Variants in DLGAP1 observed in about 807,000 individuals in gnomAD.
DLGAP1 encodes DLG associated protein 1.
A neutral mutation model predicts 90.8 loss-of-function variants in DLGAP1; 11 were observed. The ratio of observed to expected loss-of-function variants is 0.12; its 90% CI spans 0.08 to 0.20. DLGAP1 has a LOEUF of 0.20. Among genes scored for constraint, DLGAP1 ranks in the 10% least tolerant of loss-of-function variants. The probability of loss-of-function intolerance (pLI) is 1.00; values close to 1 mark genes in which losing one functional copy is unlikely to be tolerated. For missense variants in DLGAP1, 1,050 were observed against 1,333.8 expected (o/e 0.79, Z 3.31); for synonymous variants, 558 against 540.7 (o/e 1.03, Z -0.44).
intron 3 of DLGAP1, among the ~76,000 whole-genome samples, chr18:3,976,521 C>T (rs2073583612): frequency 6.6e-6 from 1 of 152,036 alleles, no homozygotes; most frequent in South Asian, 2.1e-4. Context: ...TTCTCTGTTC[C>T]CTGCATATTT....
chr18:4,430,190 G>A (rs941123521), intron 1 of DLGAP1, among the ~76,000 whole-genome samples: 2 of 152,132 alleles, frequency 1.3e-5, no homozygotes, highest in Admixed American at 6.5e-5. Context: ...GCAGATGGAT[G>A]GTGTGGTTAG....
Position 4,139,147 on chromosome 18 carries a change from T to G in DLGAP1, c.-159+12033A>C, listed in dbSNP as rs117268439. On this transcript the variant is annotated intron_variant, in intron 2 of 12. Transcript: ENST00000315677. ...TTTATTTCTGCTTTGATCTTTATTA[T>G]TTCTTTTCTTATACTAATCTTGGGT... Among the ~76,000 whole-genome samples, 295 of 152,096 alleles carry G rather than the reference T, an allele frequency of 1.9e-3. 4 individuals carry two copies. The East Asian group carries it at 0.044, about 23-fold the overall frequency.
chr18:4,217,261 C>T (rs2077977280), intron 1 of DLGAP1, among the ~76,000 whole-genome samples: 1 of 151,930 alleles, frequency 6.6e-6, no homozygotes, highest in Non-Finnish European at 1.5e-5. Context: ...ATTTTTGTAC[C>T]ACAGTTTGTT....
intron 2 of DLGAP1, among the ~76,000 whole-genome samples, chr18:4,016,746 C>G (rs556229353): frequency 3.3e-4 from 50 of 152,292 alleles, no homozygotes; most frequent in African/African-American, 1.1e-3. Flanking sequence ...CTGCGAGGCT[C>G]CAGCGGAGTC....
At chr18:4,246,869 A>T (rs547102284) in intron 1 of DLGAP1, among the ~76,000 whole-genome samples, 1 of 93,852 alleles carries the variant, frequency 1.1e-5, no homozygotes, top group South Asian at 3.4e-4. Context: ...TTCCTTCAGA[A>T]AAAGAAAAGA....
At chr18:4,227,007 G>C (rs1327717030) in intron 1 of DLGAP1, among the ~76,000 whole-genome samples, 1 of 151,760 alleles carries the variant, frequency 6.6e-6, no homozygotes. Flanking sequence ...AAATAAAAGG[G>C]ATGGAAAAAG....
At chr18:4,088,172 T>C (rs1004109116) in intron 2 of DLGAP1, among the ~76,000 whole-genome samples, 15 of 152,166 alleles carry the variant, frequency 9.9e-5, no homozygotes, top group Non-Finnish European at 1.8e-4. Flanking sequence ...GCATTTATGA[T>C]ATACTTTCAT....
At chr18:4,333,529 CT>C (rs915563498) in intron 1 of DLGAP1, among the ~76,000 whole-genome samples, 6 of 150,432 alleles carry the variant, frequency 4.0e-5, no homozygotes, top group Admixed American at 3.3e-4. Flanking sequence ...TGGACCATAT[CT>C]TTAGATTAAA....
chr18:4,394,372 G>T (rs191946401), intron 1 of DLGAP1, among the ~76,000 whole-genome samples: 1 of 152,306 alleles, frequency 6.6e-6, no homozygotes, highest in Admixed American at 6.5e-5. Flanking sequence ...AAGAATTTAA[G>T]AATAAATTTC....
intron 7 of DLGAP1, among the ~76,000 whole-genome samples, chr18:3,701,179 C>T (rs1204899080): frequency 6.6e-6 from 1 of 152,164 alleles, no homozygotes; most frequent in African/African-American, 2.4e-5. Context: ...AGCACCTGGC[C>T]TGATGATGGC....
chr18:4,326,187 A>G (rs2080813513), intron 1 of DLGAP1, among the ~76,000 whole-genome samples: 1 of 152,142 alleles, frequency 6.6e-6, no homozygotes, highest in African/African-American at 2.4e-5. Flanking sequence ...AAAGTGGACA[A>G]AGAATATGAA....
At chr18:3,726,969 T>A (rs766673293) in intron 7 of DLGAP1, among the ~76,000 whole-genome samples, 1 of 152,208 alleles carries the variant, frequency 6.6e-6, no homozygotes, top group Non-Finnish European at 1.5e-5. Flanking sequence ...CATTTCTGGT[T>A]AAAGCCCTTT....
At chr18:3,575,353 AT>A (rs1312980217) in intron 8 of DLGAP1, among the ~76,000 whole-genome samples, 1 of 152,192 alleles carries the variant, frequency 6.6e-6, no homozygotes, top group Non-Finnish European at 1.5e-5. Flanking sequence ...AAGCCATTGC[AT>A]TTCATATAAT....
intron 1 of DLGAP1, among the ~76,000 whole-genome samples, chr18:4,175,416 G>T (rs889871342): frequency 3.3e-5 from 5 of 152,102 alleles, no homozygotes; most frequent in Non-Finnish European, 7.4e-5. Flanking sequence ...AAGCTCTTCA[G>T]TTTAATTAGA....
At chr18:3,810,105 G>A (rs1192964644) in intron 5 of DLGAP1, among the ~76,000 whole-genome samples, 1 of 152,162 alleles carries the variant, frequency 6.6e-6, no homozygotes, top group African/African-American at 2.4e-5. Flanking sequence ...CTAGTGATGA[G>A]GTGGAGTGAT....
chr18:3,680,163 G>A (rs562790458), intron 7 of DLGAP1: 2 of 152,452 alleles, frequency 1.3e-5, no homozygotes, highest in South Asian at 2.1e-4. Context: ...GTAGGTGACA[G>A]GACAGCCTGG....
In DLGAP1 at chr18:4,039,040, G is replaced by C. The variant is rs78367039; in HGVS notation, c.-158-33839C>G. On this transcript the variant is annotated intron_variant, in intron 2 of 12. Coordinates refer to ENST00000315677, the MANE Select transcript of DLGAP1 (RefSeq NM_004746.4). ...AAAACGGCAGCACGAGGAAAAAGAG[G>C]GTTAACTTGATCAGTTACTCTAGGG... 2.0e-5 allele frequency among the ~76,000 whole-genome samples: 3 copies of C among 152,086 alleles called. No individual in the cohort carries two copies. The East Asian group carries it at 5.8e-4, about 29-fold the overall frequency.
intron 2 of DLGAP1, among the ~76,000 whole-genome samples, chr18:4,147,538 C>A (rs1568420832): frequency 6.6e-6 from 1 of 151,968 alleles, no homozygotes; most frequent in Non-Finnish European, 1.5e-5. Flanking sequence ...ATGTTGAAAC[C>A]AGTTCTTGGT....
chr18:3,806,773 C>T (rs1051878016), intron 5 of DLGAP1, among the ~76,000 whole-genome samples: 2 of 152,198 alleles, frequency 1.3e-5, no homozygotes, highest in African/African-American at 4.8e-5. Context: ...AGTGAGGAGT[C>T]TTTGTTGCCA....
Sources: allele counts gnomAD v4.1 joint callset (sites outside exome capture counted in the v4.1 genomes callset), GRCh38; gene constraint gnomAD v4.1.1; transcripts MANE v1.5; gene names NCBI Gene and HGNC (gene_info 2026-07-23, HGNC 2026-07-21).